Variants in PLEKHG6 observed in about 807,000 individuals in gnomAD.
PLEKHG6 encodes pleckstrin homology and RhoGEF domain containing G6, also known as pleckstrin homology domain-containing family G member 6.
Under a neutral mutation model 97.5 loss-of-function variants are expected in PLEKHG6, and 91 were observed. The observed-to-expected ratio is 0.93, with a 90% CI of 0.79 to 1.11. The LOEUF (loss-of-function observed/expected upper bound fraction) is 1.11, where lower values mean the gene tolerates loss of function less well. Ranked by LOEUF, PLEKHG6 falls within the 50% of genes most tolerant of loss-of-function variation. The pLI is 0.00. For missense variants in PLEKHG6, 1,044 were observed against 1,031.0 expected, an observed-to-expected ratio of 1.01 and a Z score of -0.17; for synonymous variants, 466 against 425.5, an observed-to-expected ratio of 1.10 and a Z score of -1.17.
In PLEKHG6 at chr12:6,327,519, GC is replaced by G; in HGVS notation, c.1941del (p.Glu648AsnfsTer7). On this transcript the variant is annotated frameshift_variant, in exon 15 of 16. Coordinates refer to ENST00000684764, the MANE Select transcript of PLEKHG6 (RefSeq NM_001384598.1). LOFTEE classifies it high-confidence loss of function. Reference sequence around the variant, plus strand: ...CCCCCAAGCTCCTCAACGCCGAAGCGCCCCCGAACTGCCGGAAGGAATCCTA... The same window carrying G: ...CCCCCAAGCTCCTCAACGCCGAAGCGCCCCGAACTGCCGGAAGGAATCCTA... ...PDPQAPQRRS[A>X]PELPEGILKG... 1 of 1,334,098 alleles carries G rather than the reference GC, an allele frequency of 7.5e-7. No individual in the cohort carries two copies. Among genetic ancestry groups the G allele is most frequent in the Non-Finnish European group, 1.0e-6 (1 of 1,000,076 alleles). 82.6% of individuals were successfully genotyped at this position (1,334,098 alleles called of 1,614,324 possible).
intron 3 of PLEKHG6, 81 bp from the exon 4 acceptor site, chr12:6,314,922 GCA>G (rs147807724): frequency 2.7e-4 from 350 of 1,276,712 alleles, no homozygotes; most frequent in South Asian, 7.3e-4. Context: ...TAACACACAT[GCA>G]CACACACACA....
At position 6,312,317 on chromosome 12, in the gene PLEKHG6, G is replaced by A. The variant is rs571840838; in HGVS notation, c.91G>A (p.Ala31Thr). ...TTATGGGGGCCGGCATCGAGCCTCT[G>A]CTCAGAGCACTGCTGGCAGACTCTA... ...ETYGGRHRAS[A>T]QSTAGRLYPR... Residue 31 changes from alanine to threonine, a missense_variant, in exon 2 of 16, where the codon GCT becomes ACT. Physicochemically the swap from Ala to Thr is moderately conservative, Grantham distance 58. Transcript: ENST00000684764. 35 of 1,579,366 alleles carry A rather than the reference G, an allele frequency of 2.2e-5. No individual in the cohort carries two copies. In the South Asian group the frequency reaches 3.6e-4, roughly 16 times the overall value.
At position 6,315,588 on chromosome 12, in the gene PLEKHG6, C is replaced by G; in HGVS notation, c.494C>G (p.Ala165Gly). Reference sequence around the variant, plus strand: ...CAGGAGCTCTGCCACCAACAGGAGGCCCTGTGGGAGCTCCTGACCACCGAG... The same window carrying G: ...CAGGAGCTCTGCCACCAACAGGAGGGCCTGTGGGAGCTCCTGACCACCGAG... ...MSQELCHQQE[A>G]LWELLTTELI... Residue 165 changes from alanine (A) to glycine (G), a missense_variant, in exon 5 of 16, where the codon GCC (alanine) becomes GGC (glycine). By Grantham distance (60) the Ala-to-Gly change is moderately conservative (BLOSUM62 0). Transcript: ENST00000684764. The surrounding 1 kb of genome is among the most constrained non-coding windows in gnomAD (Gnocchi z 4.5). The G allele has an allele frequency of 1.3e-6, 2 of 1,587,268 alleles. No individual in the cohort carries two copies. Among genetic ancestry groups the G allele is most frequent in the South Asian group, 1.1e-5 (1 of 90,162 alleles).
Position 6,315,672 on chromosome 12 carries a change from C to A in PLEKHG6, c.555+23C>A. 1 of 1,471,176 alleles carries A rather than the reference C, an allele frequency of 6.8e-7. No individual in the cohort carries two copies. The highest frequency in any genetic ancestry group is 9.4e-7 in the Non-Finnish European group (1 of 1,068,372). The allele number at this position is 1,471,176 out of a possible 1,614,324, so 91.1% of individuals were successfully genotyped here. On this transcript the variant is annotated intron_variant, in intron 5 of 15. Coordinates refer to ENST00000684764, the MANE Select transcript of PLEKHG6 (RefSeq NM_001384598.1). The surrounding 1 kb of genome is among the most constrained non-coding windows in gnomAD (Gnocchi z 4.5). ...GATGTGAGCCCCCCTCAGCCCCAGCCCCGGCCCCATCTTCCCTGCATGAGC... is the reference window on the plus strand; with the variant it reads ...GATGTGAGCCCCCCTCAGCCCCAGCACCGGCCCCATCTTCCCTGCATGAGC...
Position 6,327,604 on chromosome 12 carries a change from C to T in PLEKHG6, c.2021C>T (p.Ala674Val). Residue 674 changes from alanine (A) to valine (V), a missense_variant, in exon 15 of 16, where the codon GCC (alanine) becomes GTC (valine). Coordinates refer to ENST00000684764, the MANE Select transcript of PLEKHG6 (RefSeq NM_001384598.1). ...PPTWSEEEDG[A>V]SERGNVVVET... ...ACCTGGTCTGAGGAAGAAGATGGGGCCTCCGAGCGAGGGAATGTGGTGGTG... is the reference window on the plus strand; with the variant it reads ...ACCTGGTCTGAGGAAGAAGATGGGGTCTCCGAGCGAGGGAATGTGGTGGTG... The T allele has an allele frequency of 6.3e-7, 1 of 1,581,932 alleles. No homozygotes were observed. Among genetic ancestry groups the T allele is most frequent in the Non-Finnish European group, 8.6e-7 (1 of 1,164,284 alleles).
At chr12:6,326,332 A>C in intron 13 of PLEKHG6, 96 bp from the exon 14 acceptor site, 1 of 694,192 alleles carries the variant, frequency 1.4e-6, no homozygotes, top group African/African-American at 1.9e-5. Flanking sequence ...ATAAAATAAA[A>C]TAAGGTAATA....
rs4149588 is a variant in PLEKHG6 at position 6,328,485 on chromosome 12, CA to C, written c.*349del. ...GCAATATAGGGAAACCCTGTCTTTA[CA>C]AAAAAAAATTTTAAAAATTACCCAG... is the stretch of plus-strand genomic sequence containing the variant. On this transcript the variant is annotated 3_prime_UTR_variant, in exon 16 of 16. Coordinates refer to ENST00000684764, the MANE Select transcript of PLEKHG6 (RefSeq NM_001384598.1). The C allele has an allele frequency of 1.0e-4, 22 of 218,468 alleles. No individual in the cohort carries two copies. The highest frequency in any genetic ancestry group is 1.4e-4 in the Non-Finnish European group (16 of 110,932). 13.5% of individuals were successfully genotyped at this position (218,468 alleles called of 1,614,324 possible). A position where few individuals can be genotyped will look rare whatever the true frequency, so the allele number is the denominator to read the frequency against.
rs950573780 is a variant in PLEKHG6 at position 6,313,675 on chromosome 12, G to T, written c.185G>T (p.Gly62Val). The T allele has an allele frequency of 6.2e-6, 10 of 1,614,050 alleles. No homozygotes were observed. The highest frequency in any genetic ancestry group is 8.5e-6 in the Non-Finnish European group (10 of 1,180,002). The change falls in exon 3 of 16, where the codon GGT becomes GTT. Residue 62 changes from glycine (G) to valine (V), a missense_variant. Physicochemically the swap from Gly to Val is moderately radical, Grantham distance 109. Coordinates refer to ENST00000684764, the MANE Select transcript of PLEKHG6 (RefSeq NM_001384598.1). ...CAGCAGTATGTCCCCTTTGCCAGGGGTTCTGGCCAGGCCCGAGGCCTGTCA... is the reference window on the plus strand; with the variant it reads ...CAGCAGTATGTCCCCTTTGCCAGGGTTTCTGGCCAGGCCCGAGGCCTGTCA... ...RLQQYVPFAR[G>V]SGQARGLSPM...
At chr12:6,326,788 TAC>T (rs1251007767) in intron 14 of PLEKHG6, among the ~76,000 whole-genome samples, 4 of 152,084 alleles carry the variant, frequency 2.6e-5, no homozygotes, top group Non-Finnish European at 5.9e-5. Flanking sequence ...ACAGACAGCC[TAC>T]AGAGTTAGCC....
intron 10 of PLEKHG6, 92 bp downstream of exon 10, chr12:6,318,086 G>T: frequency 1.4e-6 from 2 of 1,444,548 alleles, no homozygotes; most frequent in African/African-American, 1.4e-5. Context: ...CCCCGTACTT[G>T]GGTGCTACAA....
chr12:6,318,822 C>T lies in PLEKHG6; in HGVS notation c.1353C>T (p.Val451=), dbSNP rs1592028811. The stretch of plus-strand genomic sequence containing the variant: ...AGCGCAAGGCGGACAAAGCCAAGGT[C>T]ATCCGACCCCCTCTCATGCTGGAGA... The part of the protein sequence containing the change: ...KPQRKADKAK[V]IRPPLMLEKL... Residue 451 remains valine (V), a synonymous_variant, in exon 12 of 16, where the codon GTC becomes GTT. Coordinates refer to ENST00000684764, the MANE Select transcript of PLEKHG6 (RefSeq NM_001384598.1). 1.2e-6 allele frequency: 2 copies of T among 1,614,250 alleles called. No homozygotes were observed. Among genetic ancestry groups the T allele is most frequent in the Non-Finnish European group, 1.7e-6 (2 of 1,180,038 alleles).
chr12:6,313,671 A>T lies in PLEKHG6; in HGVS notation c.181A>T (p.Arg61Trp). 6.2e-7 allele frequency: 1 copy of T among 1,614,014 alleles called. No individual in the cohort carries two copies. Among genetic ancestry groups the T allele is most frequent in the Non-Finnish European group, 8.5e-7 (1 of 1,179,996 alleles). ...RRLQQYVPFA[R>W]GSGQARGLSP... ...CCTCCAGCAGTATGTCCCCTTTGCC[A>T]GGGGTTCTGGCCAGGCCCGAGGCCT... Residue 61 changes from arginine to tryptophan, a missense_variant, in exon 3 of 16, where the codon AGG (arginine) becomes TGG (tryptophan). Transcript: ENST00000684764.
intron 13 of PLEKHG6, among the ~76,000 whole-genome samples, chr12:6,322,683 C>G (rs190576272): frequency 6.6e-6 from 1 of 152,210 alleles, no homozygotes; most frequent in East Asian, 1.9e-4. Context: ...AGTTCAAGAC[C>G]CAGCCTGGCC....
Position 6,327,942 on chromosome 12 carries a change from G to T in PLEKHG6, c.2359G>T (p.Ala787Ser), listed in dbSNP as rs199606341. 4 of 1,490,716 alleles carry T rather than the reference G, an allele frequency of 2.7e-6. No individual in the cohort carries two copies. Among genetic ancestry groups the T allele is most frequent in the Non-Finnish European group, 3.6e-6 (4 of 1,119,704 alleles). The allele number at this position is 1,490,716 out of a possible 1,614,324, so 92.3% of individuals were successfully genotyped here. A position where few individuals can be genotyped will look rare whatever the true frequency, so the allele number is the denominator to read the frequency against. Residue 787 changes from alanine to serine, a missense_variant, in exon 15 of 16, where the codon GCA becomes TCA. Ala to Ser is a moderately conservative substitution (Grantham distance 99). Coordinates refer to ENST00000684764, the MANE Select transcript of PLEKHG6 (RefSeq NM_001384598.1). ...CATTCAGCTGGACACCCCTCTGTCC[G>T]CATCGTAAGTGCTGGAGGGAAGCTG... Reference protein sequence around the residue: ...HIIQLDTPLSASEV With the variant: ...HIIQLDTPLSSSEV
In PLEKHG6 at chr12:6,327,248, C is replaced by T. The variant is rs773960587; in HGVS notation, c.1671-6C>T. Reference sequence around the variant, plus strand: ...TACGCATCTGACTCTTTGCCATTAACTGTAGGACTCCTGAGTTCTCGACCA... The same window carrying T: ...TACGCATCTGACTCTTTGCCATTAATTGTAGGACTCCTGAGTTCTCGACCA... On this transcript the variant is annotated splice_polypyrimidine_tract_variant and splice_region_variant and intron_variant, in intron 14 of 15. Transcript: ENST00000684764. 1.9e-6 allele frequency: 3 copies of T among 1,564,300 alleles called. No individual in the cohort carries two copies. The highest frequency in any genetic ancestry group is 2.3e-5 in the South Asian group (2 of 85,436).
In PLEKHG6 at chr12:6,319,075, T is replaced by C; in HGVS notation, c.1491T>C (p.Arg497=). The C allele has an allele frequency of 6.2e-7, 1 of 1,609,362 alleles. No homozygotes were observed. Residue 497 remains arginine (R), a synonymous_variant, in exon 13 of 16, where the codon CGT becomes CGC. Coordinates refer to ENST00000684764, the MANE Select transcript of PLEKHG6 (RefSeq NM_001384598.1). The part of the protein sequence containing the change: ...LLVHCPSPTD[R]AQWLEKTQQA... ...TGCACTGTCCCAGTCCTACAGACCG[T>C]GCCCAGTGGCTGGAGAAGACCCAGC...
At chr12:6,312,025 C>T (rs748020066) in intron 1 of PLEKHG6, 134 bp from the exon 2 acceptor site, 3 of 474,694 alleles carry the variant, frequency 6.3e-6, no homozygotes, top group Non-Finnish European at 1.1e-5. Context: ...TTCCCCCCAA[C>T]AAGTGACCAA....
chr12:6,314,824 A>ACC (rs1947396227), intron 3 of PLEKHG6, among the ~76,000 whole-genome samples, 181 bp from the exon 4 acceptor site: 1 of 151,634 alleles, frequency 6.6e-6, no homozygotes, highest in Non-Finnish European at 1.5e-5. Flanking sequence ...GCTGGGGCCG[A>ACC]CCCCTGTTCT....
chr12:6,312,642 G>C (rs1013412541), intron 2 of PLEKHG6: 7 of 1,245,848 alleles, frequency 5.6e-6, no homozygotes, highest in Non-Finnish European at 7.1e-6. Context: ...AAGAGCTGCG[G>C]GTAAGGTCAT....
Sources: gnomAD v4.1 joint callset for allele counts (sites outside exome capture counted in the v4.1 genomes callset) on GRCh38, gnomAD v4.1.1 for gene constraint, Gnocchi (gnomAD v3.1) non-coding constraint, MANE v1.5 for transcripts, NCBI Gene and HGNC (gene_info 2026-07-23, HGNC 2026-07-21) for gene names.